SLC24A3: variants seen among roughly 807,000 people sequenced by gnomAD.
SLC24A3 encodes the protein solute carrier family 24 member 3, also known as sodium/potassium/calcium exchanger 3.
SLC24A3 carries 28 observed loss-of-function variants against 75.8 expected under a neutral mutation model. The ratio of observed to expected loss-of-function variants is 0.37; its 90% confidence interval spans 0.27 to 0.51. The LOEUF (loss-of-function observed/expected upper bound fraction) is 0.51, where lower values mean the gene tolerates loss of function less well. Ranked by LOEUF, SLC24A3 falls within the 20% of genes least tolerant of loss-of-function variation. The probability of loss-of-function intolerance (pLI) is 0.94; values close to 1 mark genes in which losing one functional copy is unlikely to be tolerated. For missense variants in SLC24A3, 663 were observed against 847.8 expected (o/e 0.78, Z 2.71); for synonymous variants, 372 against 334.1 (o/e 1.11, Z -1.24).
In SLC24A3 at chr20:19,409,959, T is replaced by A. The variant is rs564387149; in HGVS notation, c.272-105529T>A. Among the ~76,000 whole-genome samples the A allele has an allele frequency of 5.9e-5, 9 of 152,198 alleles. No homozygotes were observed. In the South Asian group the frequency reaches 1.9e-3, roughly 32 times the overall value. ...ATTGTGGTTATCTTTAATTTTTATG[T>A]TTATCCTTTTTTGCATCTTTCAAAT... On this transcript the variant is annotated intron_variant, in intron 2 of 16. Coordinates refer to ENST00000328041, the MANE Select transcript of SLC24A3 (RefSeq NM_020689.4).
At chr20:19,334,952 C>T (rs1355408177) in intron 2 of SLC24A3, among the ~76,000 whole-genome samples, 1 of 152,112 alleles carries the variant, frequency 6.6e-6, no homozygotes, top group African/African-American at 2.4e-5. Context: ...CTCTGCTGTG[C>T]CATATGCAGG....
intron 2 of SLC24A3, among the ~76,000 whole-genome samples, chr20:19,292,995 C>G (rs1312180519): frequency 6.6e-6 from 1 of 152,112 alleles, no homozygotes; most frequent in Admixed American, 6.6e-5. Context: ...GGTCTTACCT[C>G]CTAATCACCT....
At chr20:19,291,066 G>C (rs533776905) in intron 2 of SLC24A3, among the ~76,000 whole-genome samples, 2 of 152,188 alleles carry the variant, frequency 1.3e-5, no homozygotes, top group Non-Finnish European at 2.9e-5. Context: ...TCTTGCCATC[G>C]GGTCCTCAGT....
chr20:19,598,242 C>A, intron 6 of SLC24A3, among the ~76,000 whole-genome samples: 1 of 152,104 alleles, frequency 6.6e-6, no homozygotes, highest in African/African-American at 2.4e-5. Flanking sequence ...CTCTTTCCTG[C>A]AGGGGAAATC....
At chr20:19,638,873 T>A (rs940112780) in intron 6 of SLC24A3, among the ~76,000 whole-genome samples, 1 of 152,102 alleles carries the variant, frequency 6.6e-6, no homozygotes, top group African/African-American at 2.4e-5. Context: ...GCTTGCTGGT[T>A]TCAGGAGTGA....
At chr20:19,658,287 A>G (rs1279112082) in intron 7 of SLC24A3, among the ~76,000 whole-genome samples, 1 of 100,868 alleles carries the variant, frequency 9.9e-6, no homozygotes, top group African/African-American at 2.8e-5. Flanking sequence ...AAGCGCCAAT[A>G]GAGTCCTTAA....
intron 2 of SLC24A3, among the ~76,000 whole-genome samples, chr20:19,285,206 G>T (rs769701190): frequency 7.2e-5 from 11 of 152,106 alleles, no homozygotes; most frequent in Admixed American, 7.2e-4. Context: ...CACTGGGCGC[G>T]GTGACTCACG....
At chr20:19,448,512 G>T (rs576667071) in intron 2 of SLC24A3, among the ~76,000 whole-genome samples, 1 of 152,070 alleles carries the variant, frequency 6.6e-6, no homozygotes, top group Non-Finnish European at 1.5e-5. Context: ...CTGAACCCTC[G>T]AATCACAGCG....
At chr20:19,290,308 T>A (rs1425193447) in intron 2 of SLC24A3, among the ~76,000 whole-genome samples, 2 of 151,430 alleles carry the variant, frequency 1.3e-5, no homozygotes, top group Non-Finnish European at 2.9e-5. Flanking sequence ...GTGTCAGAGG[T>A]TTTCAAGCTT....
At chr20:19,224,513 C>A (rs967750214) in intron 1 of SLC24A3, among the ~76,000 whole-genome samples, 8 of 152,136 alleles carry the variant, frequency 5.3e-5, no homozygotes, top group African/African-American at 1.2e-4. Context: ...TGGATAAAGG[C>A]CATGCATGGC....
chr20:19,668,817 A>C (rs774191923), intron 8 of SLC24A3, among the ~76,000 whole-genome samples: 1 of 152,292 alleles, frequency 6.6e-6, no homozygotes, highest in East Asian at 1.9e-4. Context: ...AGTGCCCCGG[A>C]TGTAGGTGGT....
intron 3 of SLC24A3, among the ~76,000 whole-genome samples, chr20:19,562,896 G>A (rs1381175669): frequency 6.6e-6 from 1 of 152,256 alleles, no homozygotes; most frequent in African/African-American, 2.4e-5. Context: ...CTGGCAATAG[G>A]ATACAGTATA....
intron 2 of SLC24A3, among the ~76,000 whole-genome samples, chr20:19,339,456 T>C (rs1015099558): frequency 1.3e-5 from 2 of 152,234 alleles, no homozygotes; most frequent in Admixed American, 6.5e-5. Context: ...CTTATTTAGC[T>C]GTTCAAGAAT....
At chr20:19,434,045 A>C (rs11906086) in intron 2 of SLC24A3, among the ~76,000 whole-genome samples, 10,516 of 152,290 alleles carry the variant, frequency 0.069, 1,186 homozygotes, top group African/African-American at 0.24. Flanking sequence ...TGGGAGGGGC[A>C]GTCCCTCAGG....
intron 2 of SLC24A3, among the ~76,000 whole-genome samples, chr20:19,344,421 T>C (rs941438959): frequency 3.9e-5 from 6 of 152,202 alleles, no homozygotes; most frequent in African/African-American, 1.4e-4. Flanking sequence ...GGGTTGGGGT[T>C]CCCAAAGAAA....
chr20:19,318,697 GCAC>G (rs1445295554), intron 2 of SLC24A3, among the ~76,000 whole-genome samples: 2 of 152,032 alleles, frequency 1.3e-5, no homozygotes, highest in African/African-American at 4.8e-5. Context: ...ATACTGCTGT[GCAC>G]CTGAGACACT....
intron 3 of SLC24A3, among the ~76,000 whole-genome samples, chr20:19,578,332 C>CGTGTGTGTGTGCATGT (rs1389068218): frequency 7.0e-4 from 106 of 151,068 alleles, no homozygotes; most frequent in South Asian, 2.7e-3. Context: ...TGTATGCATG[C>CGTGTGTGTGTGCATGT]GTGTGTGTGT....
intron 2 of SLC24A3, among the ~76,000 whole-genome samples, chr20:19,464,241 G>A (rs953924201): frequency 4.6e-5 from 7 of 152,234 alleles, no homozygotes; most frequent in Admixed American, 3.3e-4. Flanking sequence ...CTGCCACACA[G>A]CTCTGGCTCT....
chr20:19,576,316 A>C (rs1308136273), intron 3 of SLC24A3, among the ~76,000 whole-genome samples: 1 of 152,212 alleles, frequency 6.6e-6, no homozygotes, highest in Non-Finnish European at 1.5e-5. Context: ...AGTACCATCA[A>C]TGTCACACTC....
Sources: gnomAD v4.1 joint callset for allele counts (sites outside exome capture counted in the v4.1 genomes callset) on GRCh38, gnomAD v4.1.1 for gene constraint, MANE v1.5 for transcripts, NCBI Gene and HGNC (gene_info 2026-07-23, HGNC 2026-07-21) for gene names.